SRGAP3: variants seen among roughly 807,000 people sequenced by gnomAD.
SRGAP3 encodes the protein SLIT-ROBO Rho GTPase-activating protein 3.
A neutral mutation model predicts 121.1 loss-of-function variants in SRGAP3; 39 were observed. The ratio of observed to expected loss-of-function variants is 0.32; its 90% CI spans 0.25 to 0.42. SRGAP3 has a LOEUF of 0.42. Among genes scored for constraint, SRGAP3 ranks in the 10% least tolerant of loss-of-function variants. SRGAP3 has a pLI of 1.00. For missense variants in SRGAP3, 1,213 were observed against 1,470.6 expected, an observed-to-expected ratio of 0.82 and a Z score of 2.86; for synonymous variants, 601 against 570.0, an observed-to-expected ratio of 1.05 and a Z score of -0.77.
At chr3:9,129,800 C>T (rs1394969214) in intron 1 of SRGAP3, among the ~76,000 whole-genome samples, 2 of 151,088 alleles carry the variant, frequency 1.3e-5, no homozygotes, top group Non-Finnish European at 2.9e-5. Flanking sequence ...CTTGCTCTGT[C>T]GCCCAGGCTG....
intron 3 of SRGAP3, among the ~76,000 whole-genome samples, chr3:9,325,463 C>G (rs1955502965): frequency 6.6e-6 from 1 of 151,906 alleles, no homozygotes; most frequent in South Asian, 2.1e-4. Flanking sequence ...TCTGTTTAGT[C>G]AATTCTATTA....
At chr3:9,181,477 T>C (rs1322736949) in intron 1 of SRGAP3, among the ~76,000 whole-genome samples, 1 of 152,212 alleles carries the variant, frequency 6.6e-6, no homozygotes, top group Non-Finnish European at 1.5e-5. Flanking sequence ...TGAGCTCTTA[T>C]TGGAAGATTC....
intron 10 of SRGAP3, among the ~76,000 whole-genome samples, chr3:9,044,369 G>A (rs1945157486): frequency 6.6e-6 from 1 of 152,230 alleles, no homozygotes; most frequent in African/African-American, 2.4e-5. Context: ...CATATCCAGA[G>A]TGGATATGCA....
chr3:9,194,807 T>A (rs954179278), intron 1 of SRGAP3, among the ~76,000 whole-genome samples: 1 of 152,220 alleles, frequency 6.6e-6, no homozygotes, highest in Non-Finnish European at 1.5e-5. Flanking sequence ...TTCAAATAAC[T>A]TGCCATAGAG....
chr3:9,131,002 C>G (rs927425137), intron 1 of SRGAP3, among the ~76,000 whole-genome samples: 1 of 152,288 alleles, frequency 6.6e-6, no homozygotes, highest in East Asian at 1.9e-4. Flanking sequence ...GTCCTTCTTG[C>G]AGGAAATGGC....
At chr3:9,233,531 C>T (rs1953301468) in intron 1 of SRGAP3, among the ~76,000 whole-genome samples, 1 of 152,184 alleles carries the variant, frequency 6.6e-6, no homozygotes. Context: ...TTATCTTTTA[C>T]ACCTGGAGTT....
intron 1 of SRGAP3, among the ~76,000 whole-genome samples, chr3:9,131,770 C>T (rs1949456846): frequency 6.6e-6 from 1 of 151,902 alleles, no homozygotes; most frequent in Non-Finnish European, 1.5e-5. Flanking sequence ...ATCCAGGTCT[C>T]CTAAAGCACC....
At chr3:9,076,448 CAA>C (rs1019913402) in intron 4 of SRGAP3, among the ~76,000 whole-genome samples, 3 of 68,780 alleles carry the variant, frequency 4.4e-5, no homozygotes, top group African/African-American at 9.2e-5. Context: ...TGTTTGGCAA[CAA>C]AGAGGAGAGC....
chr3:9,251,755 A>C (rs1319524640), upstream of SRGAP3, among the ~76,000 whole-genome samples: 1 of 152,230 alleles, frequency 6.6e-6, no homozygotes, highest in Non-Finnish European at 1.5e-5. Context: ...ACCAAGGCCA[A>C]AGATGGTATA....
intron 2 of SRGAP3, among the ~76,000 whole-genome samples, chr3:9,106,301 C>T (rs1192184328): frequency 3.3e-5 from 5 of 152,202 alleles, no homozygotes. Context: ...TGACTCCTTT[C>T]CAGTGTGGAG....
intron 3 of SRGAP3, among the ~76,000 whole-genome samples, chr3:9,319,159 A>C (rs1955399901): frequency 6.6e-6 from 1 of 151,952 alleles, no homozygotes; most frequent in South Asian, 2.1e-4. Flanking sequence ...AGTAGATGTC[A>C]TTCACTCCAT....
intron 2 of SRGAP3, among the ~76,000 whole-genome samples, chr3:9,123,917 G>T (rs149205489): frequency 6.6e-6 from 1 of 152,078 alleles, no homozygotes; most frequent in Non-Finnish European, 1.5e-5. Context: ...GATGACCCAA[G>T]GAGAAGGGAG....
Position 9,195,351 on chromosome 3 carries a change from G to C in SRGAP3, c.67+53534C>G, listed in dbSNP as rs115189180. On this transcript the variant is annotated intron_variant, in intron 1 of 21. Coordinates refer to ENST00000383836, the MANE Select transcript of SRGAP3 (RefSeq NM_014850.4). ...CTAAAAACGTGACCACCACAAGCTC[G>C]TAAGGGTCAGGTCCAACACAACACT... is the stretch of plus-strand genomic sequence containing the variant. Among the ~76,000 whole-genome samples, 428 of 152,246 alleles carry C rather than the reference G, an allele frequency of 2.8e-3. 5 individuals are homozygous for C. The highest frequency in any genetic ancestry group is 9.7e-3 in the African/African-American group (404 of 41,548).
intron 1 of SRGAP3, among the ~76,000 whole-genome samples, chr3:9,354,325 G>A (rs2030365287): frequency 1.3e-5 from 2 of 152,198 alleles, no homozygotes; most frequent in African/African-American, 4.8e-5. Flanking sequence ...AGAGGAAGAA[G>A]GTGGGCAAGG....
At chr3:9,319,389 G>A (rs533297780) in intron 3 of SRGAP3, among the ~76,000 whole-genome samples, 6 of 152,022 alleles carry the variant, frequency 3.9e-5, no homozygotes, top group Non-Finnish European at 8.8e-5. Context: ...TGGGCCAAGA[G>A]ATACTATTAA....
rs529512369 is a variant in SRGAP3 at position 9,327,424 on chromosome 3, T to A, written n.284-1256A>T. On this transcript the variant is annotated intron_variant and non_coding_transcript_variant, in intron 2 of 3. Transcript: ENST00000490889. The stretch of plus-strand genomic sequence containing the variant: ...CCTCTAACCTAGGCAAAAATTTACA[T>A]TTCCATACCTTCTTATAATCCCTTA... Among the ~76,000 whole-genome samples, 27 of 152,228 alleles carry A rather than the reference T, an allele frequency of 1.8e-4. 1 individual carries two copies. Among genetic ancestry groups the A allele is most frequent in the Non-Finnish European group, 3.1e-4 (21 of 68,040 alleles).
chr3:9,034,567 C>G (rs909781014), intron 11 of SRGAP3: 1 of 152,186 alleles, frequency 6.6e-6, no homozygotes. Flanking sequence ...GGGCAAAAAC[C>G]AGGTGAATCC....
chr3:9,066,068 G>C (rs961301383), intron 4 of SRGAP3, among the ~76,000 whole-genome samples: 1 of 151,656 alleles, frequency 6.6e-6, no homozygotes, highest in Admixed American at 6.6e-5. Context: ...CAAAGTGCTG[G>C]TATTATAGGT....
intron 1 of SRGAP3, among the ~76,000 whole-genome samples, chr3:9,212,285 T>A (rs1952473142): frequency 6.6e-6 from 1 of 152,196 alleles, no homozygotes; most frequent in Non-Finnish European, 1.5e-5. Context: ...AAGGTATATG[T>A]GTGCATAGTG....
Sources: gnomAD v4.1 joint callset for allele counts (sites outside exome capture counted in the v4.1 genomes callset) on GRCh38, gnomAD v4.1.1 for gene constraint, MANE v1.5 for transcripts, NCBI Gene and HGNC (gene_info 2026-07-23, HGNC 2026-07-21) for gene names.